The following BPIFA2 variants were observed in gnomAD, a reference collection of about 807,000 sequenced individuals.
The protein encoded by BPIFA2 is BPI fold-containing family A member 2.
A neutral mutation model predicts 25.7 loss-of-function variants in BPIFA2; 20 were observed. That is an observed-to-expected ratio of 0.78 (90% CI 0.55 to 1.13). The LOEUF is 1.13. Ranked by LOEUF, BPIFA2 falls within the 50% of genes most tolerant of loss-of-function variation. The probability of loss-of-function intolerance (pLI) is 0.00; values close to 1 mark genes in which losing one functional copy is unlikely to be tolerated. For synonymous variants in BPIFA2, 126 were observed against 124.3 expected, an observed-to-expected ratio of 1.01 and a Z score of -0.09; for missense variants, 300 against 298.1, an observed-to-expected ratio of 1.01 and a Z score of -0.05.
chr20:33,173,799 C>T (rs974958625), intron 3 of BPIFA2, among the ~76,000 whole-genome samples: 3 of 152,168 alleles, frequency 2.0e-5, no homozygotes, highest in East Asian at 1.9e-4. Flanking sequence ...TCACCGTGCC[C>T]GGTCCCACTC....
intron 2 of BPIFA2, among the ~76,000 whole-genome samples, chr20:33,170,369 T>C (rs1044866322): frequency 3.3e-5 from 5 of 152,192 alleles, no homozygotes; most frequent in African/African-American, 1.2e-4. Flanking sequence ...TTTCTTCTCA[T>C]ATATACTTAA....
upstream of BPIFA2, among the ~76,000 whole-genome samples, chr20:33,166,134 A>G (rs1047967455): frequency 2.0e-5 from 3 of 152,154 alleles, no homozygotes; most frequent in African/African-American, 7.2e-5. Flanking sequence ...CTTCTGCTTC[A>G]GCCTCCAGAG....
Position 33,168,805 on chromosome 20 carries a change from C to T in BPIFA2, c.-15-326C>T, listed in dbSNP as rs369360107. Among the ~76,000 whole-genome samples, 3 of 152,172 alleles carry T rather than the reference C, an allele frequency of 2.0e-5. No individual in the cohort carries two copies. The East Asian group carries it at 5.8e-4, about 29-fold the overall frequency. Reference sequence around the variant, plus strand: ...GGCCTACAGTAGGCTTCACAGAGGGCATGATGTAGGAATTGACCTAAGTGG... The same window carrying T: ...GGCCTACAGTAGGCTTCACAGAGGGTATGATGTAGGAATTGACCTAAGTGG... On this transcript the variant is annotated intron_variant, in intron 1 of 8. Transcript: ENST00000354932.
chr20:33,162,091 C>T (rs543672844), intron 1 of BPIFA2, among the ~76,000 whole-genome samples: 1 of 152,272 alleles, frequency 6.6e-6, no homozygotes. Flanking sequence ...AATGATTCCC[C>T]TGCCTCAGCC....
chr20:33,175,507 C>T lies in BPIFA2; in HGVS notation c.511C>T (p.Leu171=). Reference sequence around the variant, plus strand: ...CCAGACACACCAGCCTGTTGCCGTCCTGGGAGAATGCGCCAGTGACCCAAC... The same window carrying T: ...CCAGACACACCAGCCTGTTGCCGTCTTGGGAGAATGCGCCAGTGACCCAAC... The part of the protein sequence containing the change: ...DPQTHQPVAV[L]GECASDPTSI... The change falls in exon 5 of 9, where the codon CTG becomes TTG. Residue 171 remains leucine (L), a synonymous_variant. Transcript: ENST00000354932. The T allele has an allele frequency of 6.2e-7, 1 of 1,614,188 alleles. No individual in the cohort carries two copies. Among genetic ancestry groups the T allele is most frequent in the South Asian group, 1.1e-5 (1 of 91,070 alleles).
At chr20:33,179,575 C>A in intron 6 of BPIFA2, 29 bp from the exon 7 acceptor site, 1 of 1,573,008 alleles carries the variant, frequency 6.4e-7, no homozygotes, top group South Asian at 1.1e-5. Context: ...TACTCCTGAC[C>A]CTCCTCTTCC....
At position 33,180,730 on chromosome 20, in the gene BPIFA2, C is replaced by T. The variant is rs1984250155; in HGVS notation, c.*37+133C>T. On this transcript the variant is annotated intron_variant, in intron 8 of 8. Coordinates refer to ENST00000354932, the MANE Select transcript of BPIFA2 (RefSeq NM_080574.4). Reference sequence around the variant, plus strand: ...CATAGATTGAGCCCTGGCCCCCATCCCAGGCTAGGCCCTGATTCTGGTCAC... The same window carrying T: ...CATAGATTGAGCCCTGGCCCCCATCTCAGGCTAGGCCCTGATTCTGGTCAC... 1.6e-5 allele frequency: 11 copies of T among 672,472 alleles called. No individual in the cohort carries two copies. In the East Asian group the frequency reaches 2.5e-4, roughly 15 times the overall value. The allele number at this position is 672,472 out of a possible 1,614,324, so 41.7% of individuals were successfully genotyped here. A position where few individuals can be genotyped will look rare whatever the true frequency, so the allele number is the denominator to read the frequency against.
rs2146450447 is a variant in BPIFA2 at position 33,169,000 on chromosome 20, C to A, written c.-15-131C>A. On this transcript the variant is annotated intron_variant, in intron 1 of 8. Coordinates refer to ENST00000354932, the MANE Select transcript of BPIFA2 (RefSeq NM_080574.4). ...TGCTGTAGCTTTCTGACCTTGGCTG[C>A]CCATTTGTAAAATAGGAAATAACCA... is the stretch of plus-strand genomic sequence containing the variant. 5.8e-6 allele frequency: 5 copies of A among 857,352 alleles called. No individual in the cohort carries two copies. The East Asian group carries it at 1.3e-4, about 22-fold the overall frequency. 53.1% of individuals were successfully genotyped at this position (857,352 alleles called of 1,614,324 possible).
chr20:33,175,376 C>A lies in BPIFA2; in HGVS notation c.411-31C>A, dbSNP rs1181898970. The A allele has an allele frequency of 3.7e-6, 6 of 1,604,940 alleles. No individual in the cohort carries two copies. The South Asian group carries it at 6.7e-5, about 18-fold the overall frequency. On this transcript the variant is annotated intron_variant, in intron 4 of 8. Transcript: ENST00000354932. Reference sequence around the variant, plus strand: ...TGGGCAACAGGCAGGAACTTCTAGACTTTGTTCACTGTGCATCTTACTTCC... The same window carrying A: ...TGGGCAACAGGCAGGAACTTCTAGAATTTGTTCACTGTGCATCTTACTTCC...
chr20:33,175,088 T>C (rs1984028610), intron 4 of BPIFA2, among the ~76,000 whole-genome samples: 1 of 152,156 alleles, frequency 6.6e-6, no homozygotes, highest in African/African-American at 2.4e-5. Context: ...GGGATAGTAA[T>C]AAATGAATCC....
At position 33,177,326 on chromosome 20, in the gene BPIFA2, G is replaced by T. The variant is rs186059246; in HGVS notation, c.564-821G>T. On this transcript the variant is annotated intron_variant, in intron 5 of 8. Transcript: ENST00000354932. Reference sequence around the variant, plus strand: ...GCCGAGATCGTGCCACTGCACTCCAGTCTGGGTGACAGAGCAAGACATTGT... The same window carrying T: ...GCCGAGATCGTGCCACTGCACTCCATTCTGGGTGACAGAGCAAGACATTGT... Among the ~76,000 whole-genome samples the T allele has an allele frequency of 1.6e-3, 243 of 151,090 alleles. 3 individuals are homozygous for T. The highest frequency in any genetic ancestry group is 5.5e-3 in the African/African-American group (223 of 40,752).
At chr20:33,175,584 G>A (rs1243296346) in intron 5 of BPIFA2, 25 bp downstream of exon 5, 3 of 1,610,178 alleles carry the variant, frequency 1.9e-6, no homozygotes, top group Non-Finnish European at 1.7e-6. Context: ...TCTTAGTAGA[G>A]CTGGGCTCTC....
chr20:33,180,187 C>T (rs770647884), intron 7 of BPIFA2, among the ~76,000 whole-genome samples: 39 of 151,764 alleles, frequency 2.6e-4, no homozygotes, highest in Non-Finnish European at 4.7e-4. Context: ...CACTGCACTC[C>T]GGCCTGGGTG....
chr20:33,179,610 C>G lies in BPIFA2; in HGVS notation c.652C>G (p.Pro218Ala), dbSNP rs1984201893. 3 of 1,610,878 alleles carry G rather than the reference C, an allele frequency of 1.9e-6. No homozygotes were observed. In the East Asian group the frequency reaches 6.7e-5, roughly 36 times the overall value. Residue 218 changes from proline to alanine, a missense_variant, in exon 7 of 9, where the codon CCA (proline) becomes GCA (alanine). Coordinates refer to ENST00000354932, the MANE Select transcript of BPIFA2 (RefSeq NM_080574.4). ...CTCCTTTCTCCGCTGTCAGATATGTCCACTGATCCGCATCTTCATCCACTC... is the reference window on the plus strand; with the variant it reads ...CTCCTTTCTCCGCTGTCAGATATGTGCACTGATCCGCATCTTCATCCACTC... ...VSSLLQKEIC[P>A]LIRIFIHSLD...
chr20:33,170,816 GC>G (rs1352935534), intron 2 of BPIFA2, among the ~76,000 whole-genome samples: 3 of 152,186 alleles, frequency 2.0e-5, no homozygotes, highest in Admixed American at 2.0e-4. Flanking sequence ...TGAAGTCTTT[GC>G]CCGTGCCTAT....
intron 2 of BPIFA2, among the ~76,000 whole-genome samples, chr20:33,171,493 C>T (rs1983895808): frequency 6.6e-6 from 1 of 151,976 alleles, no homozygotes; most frequent in Admixed American, 6.6e-5. Flanking sequence ...ATCTATCTGA[C>T]AAAGGTCTAA....
At chr20:33,162,111 G>T (rs1983599562) in intron 1 of BPIFA2, among the ~76,000 whole-genome samples, 1 of 152,166 alleles carries the variant, frequency 6.6e-6, no homozygotes. Flanking sequence ...CTCCCGAGTA[G>T]CTGGGACTAC....
chr20:33,173,933 A>G, intron 3 of BPIFA2, 146 bp from the exon 4 acceptor site: 4 of 624,832 alleles, frequency 6.4e-6, no homozygotes, highest in South Asian at 2.0e-5. Context: ...AATACAGAGA[A>G]TCAAACCTCT....
chr20:33,166,276 C>CA (rs1252205759), upstream of BPIFA2, among the ~76,000 whole-genome samples: 29 of 152,298 alleles, frequency 1.9e-4, no homozygotes, highest in South Asian at 8.3e-4. Flanking sequence ...CTCGGCCTCC[C>CA]AAAGTGCTGG....
Sources: allele counts gnomAD v4.1 joint callset (sites outside exome capture counted in the v4.1 genomes callset), GRCh38; gene constraint gnomAD v4.1.1; transcripts MANE v1.5; gene names NCBI Gene and HGNC (gene_info 2026-07-23, HGNC 2026-07-21).